The following CCDC39 variants were observed in gnomAD, a reference collection of about 807,000 sequenced individuals.
CCDC39 encodes coiled-coil domain 39 molecular ruler complex subunit.
Under a neutral mutation model 121.0 loss-of-function variants are expected in CCDC39, and 113 were observed. That is an observed-to-expected ratio of 0.93 (90% CI 0.80 to 1.09). The LOEUF (loss-of-function observed/expected upper bound fraction) is 1.09, where lower values mean the gene tolerates loss of function less well. Among genes scored for constraint, CCDC39 ranks in the 50% least tolerant of loss-of-function variants. CCDC39 has a pLI of 0.00. For missense variants in CCDC39, 1,063 were observed against 1,074.7 expected, an observed-to-expected ratio of 0.99 and a Z score of 0.15; for synonymous variants, 349 against 352.2, an observed-to-expected ratio of 0.99 and a Z score of 0.10.
chr3:180,644,261 C>T lies in CCDC39; in HGVS notation c.1528-4G>A. On this transcript the variant is annotated splice_region_variant and splice_polypyrimidine_tract_variant and intron_variant, in intron 11 of 19. Coordinates refer to ENST00000476379, the MANE Select transcript of CCDC39 (RefSeq NM_181426.2). ...TCTTGATAAAATAAAGATCATTCTG[C>T]AAAAAAGAAAAAAGGTATATAAATG... 6.8e-7 allele frequency: 1 copy of T among 1,480,614 alleles called. No homozygotes were observed. The highest frequency in any genetic ancestry group is 1.4e-5 in the African/African-American group (1 of 69,010). 91.7% of individuals were successfully genotyped at this position (1,480,614 alleles called of 1,614,324 possible).
chr3:180,652,472 C>A (rs550573047), intron 7 of CCDC39, among the ~76,000 whole-genome samples: 3 of 152,102 alleles, frequency 2.0e-5, no homozygotes, highest in African/African-American at 7.2e-5. Flanking sequence ...ATAATCCTAG[C>A]AAATTATAGA....
intron 7 of CCDC39, among the ~76,000 whole-genome samples, chr3:180,653,634 T>C (rs754190648): frequency 6.6e-6 from 1 of 152,156 alleles, no homozygotes; most frequent in Non-Finnish European, 1.5e-5. Flanking sequence ...ATAGCTCAAG[T>C]AATCTTAAGC....
intron 1 of CCDC39, among the ~76,000 whole-genome samples, chr3:180,676,464 A>G (rs1242250752): frequency 6.6e-6 from 1 of 152,258 alleles, no homozygotes; most frequent in Non-Finnish European, 1.5e-5. Context: ...CACCAGTTAG[A>G]ATGGCGATCA....
At chr3:180,629,014 T>C (rs967832441) in intron 14 of CCDC39, among the ~76,000 whole-genome samples, 12 of 152,192 alleles carry the variant, frequency 7.9e-5, no homozygotes, top group African/African-American at 2.7e-4. Flanking sequence ...CAGACTTACA[T>C]TGAAAAAACA....
intron 1 of CCDC39, among the ~76,000 whole-genome samples, chr3:180,674,925 T>C (rs1417001258): frequency 6.6e-6 from 1 of 152,226 alleles, no homozygotes; most frequent in Non-Finnish European, 1.5e-5. Context: ...ATCAGGGATA[T>C]TGGACTAAAA....
At position 180,614,608 on chromosome 3, in the gene CCDC39, G is replaced by A. The variant is rs776950305; in HGVS notation, c.*313C>T. ...TTCTTGAAAGATTGTTACATTAGAA[G>A]TGAGTGTAGTTTCGTGAAATAATGA... is the stretch of plus-strand genomic sequence containing the variant. On this transcript the variant is annotated 3_prime_UTR_variant, in exon 20 of 20. Transcript: ENST00000476379. 2.5e-5 allele frequency: 6 copies of A among 240,886 alleles called. No individual in the cohort carries two copies. Among genetic ancestry groups the A allele is most frequent in the Non-Finnish European group, 4.8e-5 (6 of 125,744 alleles). The allele number at this position is 240,886 out of a possible 1,614,324, so 14.9% of individuals were successfully genotyped here.
intron 14 of CCDC39, among the ~76,000 whole-genome samples, chr3:180,626,962 G>GACTT (rs1717578375): frequency 6.6e-6 from 1 of 152,120 alleles, no homozygotes; most frequent in Non-Finnish European, 1.5e-5. Flanking sequence ...TTGAAAAACA[G>GACTT]ACTTACATTG....
chr3:180,650,403 A>C (rs1410237924), intron 9 of CCDC39, among the ~76,000 whole-genome samples: 1 of 152,180 alleles, frequency 6.6e-6, no homozygotes, highest in Admixed American at 6.5e-5. Flanking sequence ...ATTTGATTAC[A>C]AAAAAACAGT....
Position 180,679,077 on chromosome 3 carries a change from T to A in CCDC39, c.90+214A>T, listed in dbSNP as rs113891181. On this transcript the variant is annotated intron_variant, in intron 1 of 19. Coordinates refer to ENST00000476379, the MANE Select transcript of CCDC39 (RefSeq NM_181426.2). The surrounding 1 kb of genome is among the most constrained non-coding windows in gnomAD (Gnocchi z 4.0). Reference sequence around the variant, plus strand: ...ATAATTCGAGCTTTATAACCCTAAATGTCAATTATGGTTTTAATAGCATTT... The same window carrying A: ...ATAATTCGAGCTTTATAACCCTAAAAGTCAATTATGGTTTTAATAGCATTT... Among the ~76,000 whole-genome samples, 2,486 of 152,180 alleles carry A rather than the reference T, an allele frequency of 0.016. 31 individuals carry two copies. The highest frequency in any genetic ancestry group is 0.034 in the Middle Eastern group (10 of 294).
At chr3:180,665,442 T>A (rs572308328) in intron 1 of CCDC39, among the ~76,000 whole-genome samples, 29 of 152,248 alleles carry the variant, frequency 1.9e-4, no homozygotes, top group African/African-American at 7.0e-4. Flanking sequence ...TCCACGGAAG[T>A]GTGAAAGGAA....
At chr3:180,642,238 T>C in intron 12 of CCDC39, 37 bp from the exon 13 acceptor site, 1 of 1,392,328 alleles carries the variant, frequency 7.2e-7, no homozygotes, top group South Asian at 1.5e-5. Context: ...ATTGAAATTA[T>C]TTTTAATTGC....
At chr3:180,672,295 A>C (rs992285288) in intron 1 of CCDC39, among the ~76,000 whole-genome samples, 1 of 152,116 alleles carries the variant, frequency 6.6e-6, no homozygotes, top group Non-Finnish European at 1.5e-5. Context: ...GAAAAAAAGG[A>C]ATATTACTGC....
intron 12 of CCDC39, 138 bp from the exon 13 acceptor site, chr3:180,642,339 T>G (rs921913770): frequency 2.2e-6 from 1 of 448,614 alleles, no homozygotes; most frequent in African/African-American, 2.0e-5. Flanking sequence ...TAGCTAGGCC[T>G]AAAATTGATC....
chr3:180,664,556 A>G (rs965250362), intron 1 of CCDC39, among the ~76,000 whole-genome samples: 4 of 152,230 alleles, frequency 2.6e-5, no homozygotes, highest in Non-Finnish European at 5.9e-5. Context: ...TGGGAAAATT[A>G]GCACCATATT....
chr3:180,647,309 C>T, intron 10 of CCDC39, 66 bp from the exon 11 acceptor site: 2 of 1,347,278 alleles, frequency 1.5e-6, no homozygotes, highest in Non-Finnish European at 2.0e-6. Context: ...AGTGTAAAAA[C>T]AAAGTGAATA....
intron 1 of CCDC39, among the ~76,000 whole-genome samples, chr3:180,670,261 G>A (rs930681779): frequency 1.3e-5 from 2 of 151,956 alleles, no homozygotes; most frequent in African/African-American, 4.8e-5. Flanking sequence ...TTAAGGATGT[G>A]TACAAGTATT....
intron 7 of CCDC39, among the ~76,000 whole-genome samples, chr3:180,653,854 A>C (rs1711520927): frequency 6.6e-6 from 1 of 152,198 alleles, no homozygotes; most frequent in Non-Finnish European, 1.5e-5. Context: ...CCTCCTGTAT[A>C]CTTTAAATAA....
chr3:180,620,395 A>G lies in CCDC39; in HGVS notation c.1999-425T>C, dbSNP rs752741378. Among the ~76,000 whole-genome samples the G allele has an allele frequency of 3.2e-4, 48 of 152,042 alleles. 1 individual carries two copies. The highest frequency in any genetic ancestry group is 3.2e-3 in the Middle Eastern group (1 of 316). ...TTAGGAGTAAAAGAGGTAAAATGGC[A>G]TGTATTTTGCCACAATTTTAAAAAT... On this transcript the variant is annotated intron_variant, in intron 14 of 19. Transcript: ENST00000476379.
rs1395278228 is a variant in CCDC39, at chr3:180,648,282, T to C, written c.1245A>G (p.Lys415=). 1.2e-6 allele frequency: 2 copies of C among 1,613,302 alleles called. No individual in the cohort carries two copies. The highest frequency in any genetic ancestry group is 1.7e-5 in the Admixed American group (1 of 59,954). ...KAQELQTETM[K]EKAVLSEIEG... is the part of the protein sequence containing the mutation. ...CAATTTCTGATAAAACAGCTTTTTC[T>C]TTCATTGTCTCAGTCTGTAACTCCT... The change falls in exon 10 of 20, where the codon AAA becomes AAG. Residue 415 remains lysine, a synonymous_variant. Coordinates refer to ENST00000476379, the MANE Select transcript of CCDC39 (RefSeq NM_181426.2).
Sources: allele counts gnomAD v4.1 joint callset (sites outside exome capture counted in the v4.1 genomes callset), GRCh38; gene constraint gnomAD v4.1.1; non-coding constraint Gnocchi (gnomAD v3.1); transcripts MANE v1.5; gene names NCBI Gene and HGNC (gene_info 2026-07-23, HGNC 2026-07-21).